The following EXOC1 variants were observed in gnomAD, a reference collection of about 807,000 sequenced individuals.
EXOC1 encodes the protein SEC3-like 1.
EXOC1 carries 67 observed loss-of-function variants against 107.7 expected under a neutral mutation model. That is an observed-to-expected ratio of 0.62 (90% CI 0.51 to 0.76). EXOC1 has a LOEUF of 0.76. Ranked by LOEUF, EXOC1 falls within the 30% of genes least tolerant of loss-of-function variation. The pLI is 0.00. For missense variants in EXOC1, 833 were observed against 1,055.7 expected (o/e 0.79, Z 2.92); for synonymous variants, 348 against 353.5 (o/e 0.98, Z 0.17).
intron 8 of EXOC1, chr4:55,876,054 A>G: frequency 2.0e-6 from 2 of 984,610 alleles, no homozygotes; most frequent in Non-Finnish European, 2.4e-6. Context: ...CATTTCTGTA[A>G]TAGAATGTTT....
At chr4:55,871,775 G>T (rs549648579) in intron 7 of EXOC1, 74 bp from the exon 8 acceptor site, 1 of 1,368,058 alleles carries the variant, frequency 7.3e-7, no homozygotes. Flanking sequence ...CGTTAGATAC[G>T]TTTAATGTTC....
chr4:55,895,967 TGACCA>T (rs1222750334), intron 15 of EXOC1, among the ~76,000 whole-genome samples: 1 of 152,188 alleles, frequency 6.6e-6, no homozygotes. Flanking sequence ...TTCTCAAACT[TGACCA>T]CGTGGCCACC....
chr4:55,891,427 G>A lies in EXOC1; in HGVS notation c.1647+5G>A. On this transcript the variant is annotated splice_donor_5th_base_variant and intron_variant, in intron 13 of 18. Transcript: ENST00000381295. ...CAAAGTATGCCTGGAACTATGGTAT[G>A]GCTCACAGTGTATTTTGGATAGTAT... 12 of 1,553,766 alleles carry A rather than the reference G, an allele frequency of 7.7e-6. No homozygotes were observed. Among genetic ancestry groups the A allele is most frequent in the South Asian group, 2.2e-5 (2 of 89,790 alleles).
chr4:55,883,706 A>G (rs1723617212), intron 9 of EXOC1, 117 bp from the exon 10 acceptor site: 1 of 555,604 alleles, frequency 1.8e-6, no homozygotes, highest in Non-Finnish European at 3.1e-6. Context: ...CCTGTGAAAT[A>G]CATCAAAGTT....
intron 16 of EXOC1, among the ~76,000 whole-genome samples, chr4:55,898,347 A>G (rs1725487825): frequency 6.6e-6 from 1 of 152,232 alleles, no homozygotes; most frequent in East Asian, 1.9e-4. Flanking sequence ...GAACAGACAG[A>G]TATTCCTTTA....
chr4:55,866,883 G>C (rs139690616), intron 4 of EXOC1: 5 of 985,088 alleles, frequency 5.1e-6, no homozygotes, highest in Non-Finnish European at 6.0e-6. Context: ...ACTGCCTAAA[G>C]TTACAGAAGG....
chr4:55,894,022 T>C (rs1724893747), intron 15 of EXOC1, among the ~76,000 whole-genome samples: 1 of 152,086 alleles, frequency 6.6e-6, no homozygotes, highest in Non-Finnish European at 1.5e-5. Context: ...GTGGCACCAG[T>C]TGCTTAAGAG....
chr4:55,887,933 T>G (rs12646999), intron 10 of EXOC1, among the ~76,000 whole-genome samples: 21,161 of 147,590 alleles, frequency 0.14, 1,864 homozygotes, highest in East Asian at 0.5. Context: ...TAGAAAGATA[T>G]ACCTGTCACT....
At chr4:55,881,827 A>T (rs1239417218) in intron 9 of EXOC1, among the ~76,000 whole-genome samples, 1 of 151,970 alleles carries the variant, frequency 6.6e-6, no homozygotes, top group Non-Finnish European at 1.5e-5. Context: ...TTTCCCTATA[A>T]CTTAGTGATT....
intron 9 of EXOC1, among the ~76,000 whole-genome samples, chr4:55,878,660 G>A (rs1723113743): frequency 6.6e-6 from 1 of 152,150 alleles, no homozygotes; most frequent in African/African-American, 2.4e-5. Context: ...TCAGACTTCA[G>A]TTGATTTTAA....
Position 55,899,868 on chromosome 4 carries a change from CT to C in EXOC1, c.2322del (p.Glu776LysfsTer3). The C allele has an allele frequency of 6.2e-7, 1 of 1,606,060 alleles. No homozygotes were observed. Among genetic ancestry groups the C allele is most frequent in the Non-Finnish European group, 8.5e-7 (1 of 1,177,174 alleles). ...TATGTCATTTACTCTTTAGGACAACCTCTTGAAAAACTAAATGTAAATATAT... is the reference window on the plus strand; with the variant it reads ...TATGTCATTTACTCTTTAGGACAACCCTTGAAAAACTAAATGTAAATATAT... Reference protein sequence around the residue: ...QSYVIYSLGQPLEKLNHFFEG... With the variant: ...QSYVIYSLGQXLEKLNHFFEG... On this transcript the variant is annotated frameshift_variant, in exon 17 of 19. Transcript: ENST00000381295. LOFTEE classifies it high-confidence loss of function.
intron 9 of EXOC1, among the ~76,000 whole-genome samples, chr4:55,880,043 A>G (rs894245319): frequency 6.6e-6 from 1 of 152,184 alleles, no homozygotes; most frequent in Admixed American, 6.5e-5. Context: ...CTTCAGAAGA[A>G]AGCAGAAGGG....
Position 55,904,537 on chromosome 4 carries a change from G to C in EXOC1, c.*42G>C. 1 of 1,563,346 alleles carries C rather than the reference G, an allele frequency of 6.4e-7. No homozygotes were observed. The highest frequency in any genetic ancestry group is 1.9e-5 in the Admixed American group (1 of 54,030). On this transcript the variant is annotated 3_prime_UTR_variant, in exon 19 of 19. Coordinates refer to ENST00000381295, the MANE Select transcript of EXOC1 (RefSeq NM_001024924.2). ...AAAGATAACTGAATGAAGCATTTGA[G>C]TATAACAGACACTATACCAAAATAC...
At chr4:55,876,056 A>C in intron 8 of EXOC1, 1 of 984,580 alleles carries the variant, frequency 1.0e-6, no homozygotes, top group Non-Finnish European at 1.2e-6. Flanking sequence ...TTTCTGTAAT[A>C]GAATGTTTAT....
rs765908847 is a variant in EXOC1 at position 55,899,934 on chromosome 4, T to G, written c.2337+50T>G. Reference sequence around the variant, plus strand: ...TTTCCTACTTTTGAACCTATACACATAAGTTTGCATATGAATAACCTGCAG... The same window carrying G: ...TTTCCTACTTTTGAACCTATACACAGAAGTTTGCATATGAATAACCTGCAG... On this transcript the variant is annotated intron_variant, in intron 17 of 18. Coordinates refer to ENST00000381295, the MANE Select transcript of EXOC1 (RefSeq NM_001024924.2). 7 of 1,455,956 alleles carry G rather than the reference T, an allele frequency of 4.8e-6. No individual in the cohort carries two copies. In the East Asian group the frequency reaches 1.6e-4, roughly 34 times the overall value. The allele number at this position is 1,455,956 out of a possible 1,614,324, so 90.2% of individuals were successfully genotyped here.
rs1410346802 is a variant in EXOC1 at position 55,871,921 on chromosome 4, G to A, written c.1037G>A (p.Arg346Lys). Residue 346 changes from arginine (R) to lysine (K), a missense_variant, in exon 8 of 19, where the codon AGA becomes AAA. By Grantham distance (26) the Arg-to-Lys change is conservative. Transcript: ENST00000381295. ...FSDLRELFAR[R>K]LASHLNNVFV... ...GATTTGCGAGAGCTTTTTGCCCGGA[G>A]ACTGGCCAGTCACCTCAACAATGTT... 6.2e-7 allele frequency: 1 copy of A among 1,613,724 alleles called. No homozygotes were observed. The highest frequency in any genetic ancestry group is 1.7e-5 in the Admixed American group (1 of 59,968).
intron 5 of EXOC1, 117 bp downstream of exon 5, chr4:55,868,640 A>T: frequency 1.3e-6 from 1 of 793,646 alleles, no homozygotes; most frequent in South Asian, 2.8e-5. Context: ...TGCCATCTTT[A>T]TCTATAAGCA....
At chr4:55,898,851 A>G (rs1725554667) in intron 16 of EXOC1, among the ~76,000 whole-genome samples, 1 of 152,198 alleles carries the variant, frequency 6.6e-6, no homozygotes, top group African/African-American at 2.4e-5. Context: ...TCTTCTATTA[A>G]TAAACATTTA....
intron 16 of EXOC1, among the ~76,000 whole-genome samples, chr4:55,898,389 G>T (rs1431825946): frequency 2.0e-5 from 3 of 152,082 alleles, no homozygotes; most frequent in Non-Finnish European, 4.4e-5. Flanking sequence ...AGGCCTAAAG[G>T]TTACATGATA....
Sources: gnomAD v4.1 joint callset for allele counts (sites outside exome capture counted in the v4.1 genomes callset) on GRCh38, gnomAD v4.1.1 for gene constraint, MANE v1.5 for transcripts, NCBI Gene and HGNC (gene_info 2026-07-23, HGNC 2026-07-21) for gene names.